Variants in SHTN1 observed in about 807,000 individuals in gnomAD.
SHTN1 encodes shootin 1, also known as shootin-1.
A neutral mutation model predicts 83.1 loss-of-function variants in SHTN1; 42 were observed. That is an observed-to-expected ratio of 0.51 (90% CI 0.39 to 0.65). The LOEUF is 0.65. Among genes scored for constraint, SHTN1 ranks in the 30% least tolerant of loss-of-function variants. SHTN1 has a pLI of 0.00. For missense variants in SHTN1, 622 were observed against 737.8 expected (o/e 0.84, Z 1.82); for synonymous variants, 224 against 247.7 (o/e 0.90, Z 0.90).
At chr10:116,949,120 G>T (rs2133415532) in intron 6 of SHTN1, 123 bp from the exon 7 acceptor site, 1 of 1,129,656 alleles carries the variant, frequency 8.9e-7, no homozygotes, top group Non-Finnish European at 1.2e-6. Context: ...AGCAGAAATT[G>T]GTTTCAATGT....
At chr10:116,939,445 C>T (rs1054056494) in intron 9 of SHTN1, among the ~76,000 whole-genome samples, 14 of 152,292 alleles carry the variant, frequency 9.2e-5, no homozygotes, top group African/African-American at 2.4e-4. Flanking sequence ...CTGCACTTCC[C>T]GGGTGAGGCA....
chr10:116,889,540 A>G (rs1162578291), intron 16 of SHTN1, among the ~76,000 whole-genome samples: 3 of 152,168 alleles, frequency 2.0e-5, no homozygotes, highest in East Asian at 1.9e-4. Flanking sequence ...GACTAGGGCA[A>G]TCGTCTAGTC....
intron 1 of SHTN1, among the ~76,000 whole-genome samples, chr10:117,092,697 A>G (rs1397226975): frequency 6.6e-6 from 1 of 152,164 alleles, no homozygotes; most frequent in Admixed American, 6.5e-5. Context: ...ATAAATCAAG[A>G]TGAGCAATTA....
At chr10:116,899,270 C>T (rs1396391199) in intron 16 of SHTN1, among the ~76,000 whole-genome samples, 3 of 151,918 alleles carry the variant, frequency 2.0e-5, no homozygotes, top group Admixed American at 6.6e-5. Context: ...GGAGAAATGA[C>T]GTAGGATAAG....
At chr10:116,911,598 C>T (rs1848199412) in intron 14 of SHTN1, 192 bp downstream of exon 14, 1 of 1,551,284 alleles carries the variant, frequency 6.4e-7, no homozygotes, top group East Asian at 2.4e-5. Context: ...AAAAACAGCA[C>T]AGTGTTATTT....
At chr10:116,946,521 A>C (rs1849589742) in intron 7 of SHTN1, among the ~76,000 whole-genome samples, 1 of 139,474 alleles carries the variant, frequency 7.2e-6, no homozygotes, top group Non-Finnish European at 1.5e-5. Context: ...TTATATATAA[A>C]TATATAAAAT....
chr10:117,016,814 A>G (rs1852187751), intron 2 of SHTN1, among the ~76,000 whole-genome samples: 1 of 152,230 alleles, frequency 6.6e-6, no homozygotes, highest in Non-Finnish European at 1.5e-5. Flanking sequence ...GAGAGATATC[A>G]GTATGAACTC....
intron 1 of SHTN1, among the ~76,000 whole-genome samples, chr10:117,069,210 G>T (rs1853046026): frequency 6.6e-6 from 1 of 152,152 alleles, no homozygotes; most frequent in African/African-American, 2.4e-5. Flanking sequence ...GTAATATAGA[G>T]AAATCAAGTA....
At chr10:116,888,281 G>A (rs1020772682) in intron 16 of SHTN1, among the ~76,000 whole-genome samples, 1 of 152,224 alleles carries the variant, frequency 6.6e-6, no homozygotes, top group Non-Finnish European at 1.5e-5. Flanking sequence ...TCAGAATGGG[G>A]TGTAGTTTCT....
In SHTN1 at chr10:116,929,855, G is replaced by T; in HGVS notation, c.1006C>A (p.His336Asn). 1 of 1,600,752 alleles carries T rather than the reference G, an allele frequency of 6.2e-7. No individual in the cohort carries two copies. Among genetic ancestry groups the T allele is most frequent in the South Asian group, 1.1e-5 (1 of 88,388 alleles). Reference sequence around the variant, plus strand: ...GCCTACTCAATGCTTTTACCAGAGTGCTTTAAATTTCTGGCTTTCTCTTCA... The same window carrying T: ...GCCTACTCAATGCTTTTACCAGAGTTCTTTAAATTTCTGGCTTTCTCTTCA... The part of the protein sequence containing the change: ...NSEEKARNLK[H>N]SVDELQKRVN... The change falls in exon 10 of 17, where the codon CAC becomes AAC. Residue 336 changes from histidine to asparagine, a missense_variant. By Grantham distance (68) the His-to-Asn change is moderately conservative (BLOSUM62 1). Around this residue, in one of 3 missense-constraint regions of SHTN1, gnomAD observed 383 missense variants for 455.8 expected, o/e 0.84. Transcript: ENST00000355371.
intron 1 of SHTN1, among the ~76,000 whole-genome samples, chr10:117,074,160 G>A (rs539809455): frequency 6.6e-6 from 1 of 152,144 alleles, no homozygotes; most frequent in African/African-American, 2.4e-5. Context: ...TCATTAGAAA[G>A]CTAATAGTCT....
At chr10:116,911,726 G>C (rs922835881) in intron 14 of SHTN1, 64 bp downstream of exon 14, 13 of 1,578,942 alleles carry the variant, frequency 8.2e-6, no homozygotes, top group Non-Finnish European at 1.1e-5. Flanking sequence ...ACAAAAAACA[G>C]ATTTTAAAAT....
At chr10:117,044,923 A>C (rs761068927) in intron 2 of SHTN1, among the ~76,000 whole-genome samples, 8 of 152,200 alleles carry the variant, frequency 5.3e-5, no homozygotes, top group Non-Finnish European at 1.2e-4. Flanking sequence ...CTTAGCTATT[A>C]AGTTTCTTAA....
At chr10:116,946,294 G>T (rs1849573405) in intron 7 of SHTN1, among the ~76,000 whole-genome samples, 2 of 147,670 alleles carry the variant, frequency 1.4e-5, no homozygotes, top group Middle Eastern at 7.6e-3. Flanking sequence ...TGGTACTAGT[G>T]CTTATCTCTG....
At chr10:116,893,597 C>CACACACACACACACACACACACACAT (rs3981216) in intron 16 of SHTN1, among the ~76,000 whole-genome samples, 1 of 151,342 alleles carries the variant, frequency 6.6e-6, no homozygotes, top group African/African-American at 2.4e-5. Context: ...CACACACACA[C>CACACACACACACACACACACACACAT]GAGAAAGAAA....
At chr10:117,015,215 C>G (rs1388953427) in intron 2 of SHTN1, among the ~76,000 whole-genome samples, 1 of 152,178 alleles carries the variant, frequency 6.6e-6, no homozygotes, top group Admixed American at 6.6e-5. Flanking sequence ...TGTTGGACTT[C>G]TTTGCTACTT....
intron 1 of SHTN1, among the ~76,000 whole-genome samples, chr10:117,086,077 C>T (rs987066708): frequency 1.3e-4 from 20 of 152,110 alleles, no homozygotes; most frequent in African/African-American, 2.9e-4. Context: ...TGTGCCACCA[C>T]GCCCAGCTAA....
intron 7 of SHTN1, among the ~76,000 whole-genome samples, chr10:116,946,581 ATTTATATATAAATATATAAAATG>A (rs1564890852): frequency 8.0e-6 from 1 of 125,194 alleles, no homozygotes; most frequent in Admixed American, 8.7e-5. Context: ...ATATAAAATG[ATTTATATATAAATATATAAAATG>A]ATTTATATAT....
Position 116,883,389 on chromosome 10 carries a change from T to C in SHTN1, c.*2955A>G, listed in dbSNP as rs1564856673. The C allele has an allele frequency of 6.6e-6, 1 of 152,196 alleles. No individual in the cohort carries two copies. Among genetic ancestry groups the C allele is most frequent in the Non-Finnish European group, 1.5e-5 (1 of 68,032 alleles). 9.4% of individuals were successfully genotyped at this position (152,196 alleles called of 1,614,324 possible). ...TGACTGTGGGATAGGGACATGTTAGTGCTTGGAAGAGAAACTTCAAACCAC... is the reference window on the plus strand; with the variant it reads ...TGACTGTGGGATAGGGACATGTTAGCGCTTGGAAGAGAAACTTCAAACCAC... On this transcript the variant is annotated 3_prime_UTR_variant, in exon 17 of 17. Coordinates refer to ENST00000355371, the MANE Select transcript of SHTN1 (RefSeq NM_001127211.3).
Sources: gnomAD v4.1 joint callset for allele counts (sites outside exome capture counted in the v4.1 genomes callset) on GRCh38, gnomAD v4.1.1 for gene constraint, gnomAD v4.1.1 regional missense constraint, MANE v1.5 for transcripts, NCBI Gene and HGNC (gene_info 2026-07-23, HGNC 2026-07-21) for gene names.